Variants in FBXL2 observed in about 807,000 individuals in gnomAD.
FBXL2 encodes F-box/LRR-repeat protein 2.
Under a neutral mutation model 69.2 loss-of-function variants are expected in FBXL2, and 38 were observed. The ratio of observed to expected loss-of-function variants is 0.55; its 90% CI spans 0.42 to 0.72. FBXL2 has a LOEUF of 0.72. Among genes scored for constraint, FBXL2 ranks in the 30% least tolerant of loss-of-function variants. The pLI is 0.00. For missense variants in FBXL2, 354 were observed against 520.3 expected, an observed-to-expected ratio of 0.68 and a Z score of 3.11; for synonymous variants, 192 against 201.3, an observed-to-expected ratio of 0.95 and a Z score of 0.39.
intron 2 of FBXL2, among the ~76,000 whole-genome samples, chr3:33,340,126 T>A (rs1182250204): frequency 6.6e-6 from 1 of 152,198 alleles, no homozygotes; most frequent in East Asian, 1.9e-4. Context: ...GGGGATGTAT[T>A]TTGTTTATCT....
At chr3:33,359,403 T>G in intron 4 of FBXL2, 46 bp downstream of exon 4, 3 of 1,336,618 alleles carry the variant, frequency 2.2e-6, no homozygotes, top group Non-Finnish European at 3.2e-6. Context: ...AAAATATGAG[T>G]AGCTGTTCCC....
chr3:33,390,580 TG>T, downstream of FBXL2: 2 of 597,512 alleles, frequency 3.3e-6, no homozygotes, highest in African/African-American at 3.7e-5. Context: ...CTGCGAAGCC[TG>T]GCCCACTATC....
intron 2 of FBXL2, among the ~76,000 whole-genome samples, chr3:33,348,672 G>A (rs937249454): frequency 8.6e-5 from 13 of 151,894 alleles, no homozygotes; most frequent in Non-Finnish European, 1.2e-4. Context: ...AACTGAGATC[G>A]CACCACTGCA....
chr3:33,289,347 G>T (rs1260681877), intron 1 of FBXL2, among the ~76,000 whole-genome samples: 2 of 152,046 alleles, frequency 1.3e-5, no homozygotes, highest in Non-Finnish European at 2.9e-5. Context: ...CATCAAAAAG[G>T]ATAATAAAGA....
chr3:33,362,279 G>A (rs2041678621), intron 4 of FBXL2, among the ~76,000 whole-genome samples: 2 of 152,164 alleles, frequency 1.3e-5, no homozygotes, highest in South Asian at 4.1e-4. Flanking sequence ...GTGTCTTCAT[G>A]GTTATTGAAG....
At chr3:33,415,117 A>G in the FBXL2 span, among the ~76,000 whole-genome samples, 3 of 152,252 alleles carry the variant, frequency 2.0e-5, no homozygotes, top group Admixed American at 2.0e-4. Flanking sequence ...TCCCAAGTTA[A>G]TCTGACAGGT....
chr3:33,375,994 TAAAAATAC>T (rs2042609058), intron 10 of FBXL2, among the ~76,000 whole-genome samples: 1 of 152,094 alleles, frequency 6.6e-6, no homozygotes, highest in Admixed American at 6.6e-5. Flanking sequence ...TCGTCTCTAC[TAAAAATAC>T]AAAAATTAGT....
chr3:33,393,501 G>C (rs370497722), intron 12 of FBXL2: 1 of 1,565,024 alleles, frequency 6.4e-7, no homozygotes, highest in Non-Finnish European at 8.6e-7. Flanking sequence ...AGTAATCTTT[G>C]ATCTGTTTTC....
At chr3:33,322,698 T>C (rs1244133112) in intron 2 of FBXL2, among the ~76,000 whole-genome samples, 1 of 152,158 alleles carries the variant, frequency 6.6e-6, no homozygotes, top group Non-Finnish European at 1.5e-5. Flanking sequence ...AGTGGAGACG[T>C]AGAGAAAGGG....
chr3:33,416,688 AT>A, the FBXL2 span: 464 of 1,218,012 alleles, frequency 3.8e-4, no homozygotes, highest in South Asian at 7.7e-4. Context: ...AGTGAAATTA[AT>A]TTTTTTTTAA....
chr3:33,408,665 GAA>G, the FBXL2 span: 96 of 1,593,330 alleles, frequency 6.0e-5, no homozygotes, highest in Non-Finnish European at 7.9e-5. Flanking sequence ...CTTGCACAAT[GAA>G]AAGAGAAGCA....
At chr3:33,407,598 T>C (rs1439247259), downstream of FBXL2, among the ~76,000 whole-genome samples, 8 of 151,594 alleles carry the variant, frequency 5.3e-5, no homozygotes, top group Non-Finnish European at 1.2e-4. Flanking sequence ...GTGCTTCCAG[T>C]GGCACTAGGA....
At chr3:33,285,942 T>C (rs1033005422) in intron 1 of FBXL2, among the ~76,000 whole-genome samples, 4 of 152,196 alleles carry the variant, frequency 2.6e-5, no homozygotes, top group African/African-American at 9.7e-5. Context: ...ATTCGTCTAA[T>C]CTTTCTTCAA....
At chr3:33,371,052 G>A (rs139878621) in intron 5 of FBXL2, among the ~76,000 whole-genome samples, 67 of 151,602 alleles carry the variant, frequency 4.4e-4, no homozygotes, top group Admixed American at 8.5e-4. Context: ...TCTGTGTTTC[G>A]TTTTTGATAG....
chr3:33,283,465 G>A (rs2034259220), intron 1 of FBXL2, among the ~76,000 whole-genome samples: 1 of 152,138 alleles, frequency 6.6e-6, no homozygotes, highest in African/African-American at 2.4e-5. Context: ...TTTTATTGAG[G>A]ATTTTTGCAT....
chr3:33,384,145 C>T lies in FBXL2; in HGVS notation c.1108C>T (p.Arg370Cys), dbSNP rs1366391943. The change falls in exon 14 of 15, where the codon CGC (arginine) becomes TGC (cysteine). Residue 370 changes from arginine (R) to cysteine (C), a missense_variant. Transcript: ENST00000484457. ...EHLENCRGLERLELYDCQQVT... is the reference protein window; with the variant it reads ...EHLENCRGLECLELYDCQQVT... The stretch of plus-strand genomic sequence containing the variant: ...CCTAGAGAACTGCCGAGGCCTGGAG[C>T]GCCTCGAGCTGTACGACTGCCAGCA... 9 of 1,614,110 alleles carry T rather than the reference C, an allele frequency of 5.6e-6. No individual in the cohort carries two copies. The highest frequency in any genetic ancestry group is 2.2e-5 in the East Asian group (1 of 44,870).
chr3:33,360,797 G>A (rs2041554174), intron 4 of FBXL2, among the ~76,000 whole-genome samples: 2 of 151,694 alleles, frequency 1.3e-5, no homozygotes, highest in African/African-American at 4.8e-5. Context: ...TGACCACAAA[G>A]TAGAGTTATT....
chr3:33,323,668 A>G (rs990067259), intron 2 of FBXL2, among the ~76,000 whole-genome samples: 8 of 152,212 alleles, frequency 5.3e-5, no homozygotes, highest in Admixed American at 3.3e-4. Flanking sequence ...ATAGTATCCC[A>G]TGGTATATAT....
chr3:33,373,017 C>T lies in FBXL2; in HGVS notation c.291-75C>T. ...AAGTTTGAGGGAGCGCTGTTCTAAG[C>T]GTGAATGGTTTCATATGCCCTCTAG... is the stretch of plus-strand genomic sequence containing the variant. On this transcript the variant is annotated intron_variant, in intron 5 of 14. Coordinates refer to ENST00000484457, the MANE Select transcript of FBXL2 (RefSeq NM_012157.5). The T allele has an allele frequency of 6.4e-6, 8 of 1,246,408 alleles. No individual in the cohort carries two copies. In the South Asian group the frequency reaches 9.6e-5, roughly 15 times the overall value. The allele number at this position is 1,246,408 out of a possible 1,614,324, so 77.2% of individuals were successfully genotyped here.
Sources: allele counts gnomAD v4.1 joint callset (sites outside exome capture counted in the v4.1 genomes callset), GRCh38; gene constraint gnomAD v4.1.1; transcripts MANE v1.5; gene names NCBI Gene and HGNC (gene_info 2026-07-23, HGNC 2026-07-21).